Variants in RNF212B observed in about 807,000 individuals in gnomAD.
RNF212B encodes the protein E3 ubiquitin-protein ligase RNF212B.
In RNF212B, 52 loss-of-function variants were observed where a neutral mutation model predicts 55.5. The observed-to-expected ratio is 0.94, with a 90% CI of 0.75 to 1.18. The LOEUF is 1.18. RNF212B is among the 50% of genes most tolerant of loss of function. RNF212B has a pLI of 0.00. For missense variants in RNF212B, 289 were observed against 350.4 expected (o/e 0.82, Z 1.40); for synonymous variants, 99 against 121.4 (o/e 0.82, Z 1.21).
chr14:23,252,969 T>C (rs1293735137), intron 4 of RNF212B, among the ~76,000 whole-genome samples: 1 of 152,154 alleles, frequency 6.6e-6, no homozygotes, highest in East Asian at 1.9e-4. Flanking sequence ...GCCAAGCATG[T>C]AATTCTTGTT....
intron 4 of RNF212B, among the ~76,000 whole-genome samples, chr14:23,257,530 A>G (rs1884936693): frequency 6.6e-6 from 1 of 152,196 alleles, no homozygotes; most frequent in Non-Finnish European, 1.5e-5. Flanking sequence ...GTTTATGAGA[A>G]GAGTACCAAG....
At chr14:23,202,335 A>C (rs952963332) in intron 2 of RNF212B, among the ~76,000 whole-genome samples, 2 of 152,000 alleles carry the variant, frequency 1.3e-5, no homozygotes, top group African/African-American at 2.4e-5. Flanking sequence ...TGGTTTTTGC[A>C]TCAGTGTGTT....
chr14:23,272,567 T>C, intron 14 of RNF212B: 1 of 480,634 alleles, frequency 2.1e-6, no homozygotes, highest in Non-Finnish European at 3.7e-6. Context: ...GTCCCAGATT[T>C]TCCAAAATAG....
At chr14:23,196,972 A>G (rs558626333) in intron 2 of RNF212B, among the ~76,000 whole-genome samples, 1 of 152,296 alleles carries the variant, frequency 6.6e-6, no homozygotes, top group East Asian at 1.9e-4. Flanking sequence ...TCTAGACTGC[A>G]AACTCCATGA....
intron 4 of RNF212B, among the ~76,000 whole-genome samples, chr14:23,256,335 C>T (rs1183646021): frequency 6.6e-6 from 1 of 151,782 alleles, no homozygotes; most frequent in African/African-American, 2.4e-5. Flanking sequence ...AGGTAATTCC[C>T]AGGATTCAGA....
chr14:23,220,227 CAAAAACA>C (rs1349267971), intron 2 of RNF212B, among the ~76,000 whole-genome samples: 1 of 149,594 alleles, frequency 6.7e-6, no homozygotes, highest in African/African-American at 2.5e-5. Context: ...AAAACAAAAA[CAAAAACA>C]AAAACCATAC....
chr14:23,226,672 G>A (rs1882050412), intron 2 of RNF212B, among the ~76,000 whole-genome samples: 1 of 151,928 alleles, frequency 6.6e-6, no homozygotes, highest in African/African-American at 2.4e-5. Flanking sequence ...AAAACCGGTG[G>A]GTGATGGTAA....
chr14:23,186,603 C>T (rs1877626670), intron 1 of RNF212B, among the ~76,000 whole-genome samples: 1 of 152,276 alleles, frequency 6.6e-6, no homozygotes, highest in Middle Eastern at 3.4e-3. Flanking sequence ...CCGCCTCGGC[C>T]TCCCAAAGTG....
intron 4 of RNF212B, among the ~76,000 whole-genome samples, chr14:23,256,052 C>A (rs1197395448): frequency 6.6e-6 from 1 of 151,988 alleles, no homozygotes; most frequent in Non-Finnish European, 1.5e-5. Context: ...GGCAAAAGAC[C>A]CTCCCATAGT....
upstream of RNF212B, among the ~76,000 whole-genome samples, chr14:23,233,132 T>C (rs1305246111): frequency 6.6e-6 from 1 of 152,224 alleles, no homozygotes; most frequent in South Asian, 2.1e-4. Context: ...CTCTGAAACA[T>C]GTGCTGTGTC....
At chr14:23,231,857 G>T (rs1159687977) in intron 2 of RNF212B, among the ~76,000 whole-genome samples, 2 of 152,234 alleles carry the variant, frequency 1.3e-5, no homozygotes, top group Non-Finnish European at 2.9e-5. Flanking sequence ...GGCCGGGCTG[G>T]TCTCCAGCTC....
At chr14:23,229,165 C>T (rs185666775) in intron 2 of RNF212B, among the ~76,000 whole-genome samples, 1,936 of 141,194 alleles carry the variant, frequency 0.014, 28 homozygotes, top group South Asian at 0.02. Context: ...TTTCAAGATT[C>T]ATCCATGTTG....
chr14:23,260,738 C>T, intron 7 of RNF212B, 51 bp downstream of exon 7: 3 of 1,464,708 alleles, frequency 2.0e-6, no homozygotes, highest in Non-Finnish European at 2.8e-6. Flanking sequence ...AATTCCTGTT[C>T]TTTCTTGACT....
chr14:23,271,557 T>C (rs1453890894), intron 14 of RNF212B, among the ~76,000 whole-genome samples: 1 of 152,018 alleles, frequency 6.6e-6, no homozygotes, highest in Non-Finnish European at 1.5e-5. Context: ...CACTCCAAGC[T>C]CCTGGTGTCC....
intron 2 of RNF212B, among the ~76,000 whole-genome samples, chr14:23,202,164 C>T (rs960238050): frequency 2.7e-5 from 4 of 150,250 alleles, no homozygotes; most frequent in African/African-American, 9.8e-5. Flanking sequence ...GGCAGGAGAA[C>T]TGCTTGAACC....
Position 23,198,395 on chromosome 14 carries a change from T to A in RNF212B, c.-2+4994T>A, listed in dbSNP as rs531210431. Reference sequence around the variant, plus strand: ...CAAATATCAAAAAAGGTCCACATACTGGAGCCAAGCGTGGTGGCTCACGCC... The same window carrying A: ...CAAATATCAAAAAAGGTCCACATACAGGAGCCAAGCGTGGTGGCTCACGCC... On this transcript the variant is annotated intron_variant, in intron 2 of 15. Coordinates refer to the RNF212B transcript ENST00000399910. Among the ~76,000 whole-genome samples the A allele has an allele frequency of 3.3e-5, 5 of 152,308 alleles. No individual in the cohort carries two copies. In the South Asian group the frequency reaches 1.0e-3, roughly 32 times the overall value.
At chr14:23,264,812 T>C (rs1181034086) in intron 11 of RNF212B, 141 bp downstream of exon 11, 5 of 402,378 alleles carry the variant, frequency 1.2e-5, no homozygotes, top group South Asian at 1.4e-4. Context: ...ATACATATAT[T>C]ACAAGGTTTT....
intron 4 of RNF212B, among the ~76,000 whole-genome samples, chr14:23,245,908 C>T (rs367758499): frequency 1.2e-4 from 19 of 152,274 alleles, no homozygotes; most frequent in African/African-American, 4.3e-4. Flanking sequence ...AGTGGACGCT[C>T]AAGACGTTGT....
intron 2 of RNF212B, among the ~76,000 whole-genome samples, chr14:23,196,182 A>G (rs1878649278): frequency 6.6e-6 from 1 of 152,206 alleles, no homozygotes; most frequent in Admixed American, 6.5e-5. Context: ...CTTAGCCACC[A>G]TGGAAAAGTG....
Sources: allele counts gnomAD v4.1 joint callset (sites outside exome capture counted in the v4.1 genomes callset), GRCh38; gene constraint gnomAD v4.1.1; transcripts MANE v1.5; gene names NCBI Gene and HGNC (gene_info 2026-07-23, HGNC 2026-07-21).